Variants in DYRK4 observed in about 807,000 individuals in gnomAD.
The protein encoded by DYRK4 is dual specificity tyrosine-phosphorylation-regulated kinase 4.
DYRK4 carries 64 observed loss-of-function variants against 68.3 expected under a neutral mutation model. The observed-to-expected ratio is 0.94, with a 90% CI of 0.77 to 1.15. The LOEUF is 1.15. DYRK4 is among the 50% of genes most tolerant of loss of function. DYRK4 has a pLI of 0.00. For missense variants in DYRK4, 740 were observed against 764.7 expected, an observed-to-expected ratio of 0.97 and a Z score of 0.38; for synonymous variants, 274 against 289.9, an observed-to-expected ratio of 0.95 and a Z score of 0.56.
chr12:4,565,453 C>T (rs1462570541), intron 1 of DYRK4, among the ~76,000 whole-genome samples: 1 of 152,050 alleles, frequency 6.6e-6, no homozygotes, highest in African/African-American at 2.4e-5. Flanking sequence ...GAGGAAATAG[C>T]ACAGAGAGGA....
rs761007233 is a variant in DYRK4 at position 4,599,192 on chromosome 12, G to T, written c.1044+26G>T. 2.5e-6 allele frequency: 4 copies of T among 1,610,992 alleles called. No homozygotes were observed. The East Asian group carries it at 8.9e-5, about 36-fold the overall frequency. ...GTGAGTACCATCTCCGTCCTGCCAT[G>T]GACACACTCTGGAAATACCCATTCT... On this transcript the variant is annotated intron_variant, in intron 9 of 14. Coordinates refer to ENST00000543431, the MANE Select transcript of DYRK4 (RefSeq NM_001394779.1).
Position 4,612,483 on chromosome 12 carries a change from G to A in DYRK4, c.1491-60G>A, listed in dbSNP as rs1945233435. ...AAAATCTTTATTGGGTTTTAAAAATGTTTTAATATATTAAAAGGAAATAAA... is the reference window on the plus strand; with the variant it reads ...AAAATCTTTATTGGGTTTTAAAAATATTTTAATATATTAAAAGGAAATAAA... On this transcript the variant is annotated intron_variant, in intron 13 of 14. Transcript: ENST00000543431. The A allele has an allele frequency of 2.7e-6, 4 of 1,495,490 alleles. No individual in the cohort carries two copies. The South Asian group carries it at 5.1e-5, about 19-fold the overall frequency. 92.6% of individuals were successfully genotyped at this position (1,495,490 alleles called of 1,614,324 possible).
chr12:4,599,250 A>G (rs1945052615), intron 9 of DYRK4, 84 bp downstream of exon 9: 2 of 1,321,322 alleles, frequency 1.5e-6, no homozygotes, highest in East Asian at 4.8e-5. Flanking sequence ...CACAAACTCC[A>G]ATCAAATAAT....
chr12:4,566,502 C>T (rs1426539872), intron 1 of DYRK4, among the ~76,000 whole-genome samples: 1 of 152,254 alleles, frequency 6.6e-6, no homozygotes, highest in Non-Finnish European at 1.5e-5. Flanking sequence ...AAGGCTTCCT[C>T]AGCTCCTCCA....
intron 10 of DYRK4, 47 bp from the exon 11 acceptor site, chr12:4,604,867 G>T: frequency 6.6e-7 from 1 of 1,521,300 alleles, no homozygotes; most frequent in South Asian, 1.3e-5. Flanking sequence ...GCGTTCTGGA[G>T]GGTAAGAAGT....
chr12:4,565,220 G>A (rs747017947), intron 1 of DYRK4, among the ~76,000 whole-genome samples: 1 of 152,186 alleles, frequency 6.6e-6, no homozygotes, highest in Non-Finnish European at 1.5e-5. Context: ...TTGAGCAAGG[G>A]TTAAGTTGTA....
At chr12:4,603,065 T>G in intron 10 of DYRK4, 1 of 1,183,070 alleles carries the variant, frequency 8.5e-7, no homozygotes, top group Non-Finnish European at 1.2e-6. Flanking sequence ...TTCCTCATCC[T>G]CTTCCTCCTC....
chr12:4,604,678 G>C (rs1945119716), intron 10 of DYRK4, among the ~76,000 whole-genome samples: 1 of 152,198 alleles, frequency 6.6e-6, no homozygotes, highest in South Asian at 2.1e-4. Flanking sequence ...TCCTACGACA[G>C]TGCCCACGTT....
intron 2 of DYRK4, among the ~76,000 whole-genome samples, chr12:4,583,641 T>C (rs147381399): frequency 0.022 from 3,288 of 152,186 alleles, 97 homozygotes; most frequent in African/African-American, 0.073. Context: ...GTGGTCCACC[T>C]GCCTCGGCCT....
intron 10 of DYRK4, chr12:4,603,190 T>C: frequency 8.3e-7 from 1 of 1,207,588 alleles, no homozygotes; most frequent in Non-Finnish European, 1.2e-6. Flanking sequence ...TTCTTCTTGG[T>C]GAGACCTCAT....
chr12:4,591,143 C>T lies in DYRK4; in HGVS notation c.325-17C>T, dbSNP rs550562257. ...GTCCTAAGTAGTTATTTATTGCAAACCTCTTTTCCTGGACAGGAGAATCAA... is the reference window on the plus strand; with the variant it reads ...GTCCTAAGTAGTTATTTATTGCAAATCTCTTTTCCTGGACAGGAGAATCAA... On this transcript the variant is annotated splice_polypyrimidine_tract_variant and intron_variant, in intron 4 of 14. Coordinates refer to ENST00000543431, the MANE Select transcript of DYRK4 (RefSeq NM_001394779.1). The surrounding 1 kb of genome is among the most constrained non-coding windows in gnomAD (Gnocchi z 4.1). 38 of 1,612,958 alleles carry T rather than the reference C, an allele frequency of 2.4e-5. No homozygotes were observed. Among genetic ancestry groups the T allele is most frequent in the Non-Finnish European group, 3.1e-5 (36 of 1,179,488 alleles).
intron 1 of DYRK4, among the ~76,000 whole-genome samples, chr12:4,566,720 A>C (rs1033787800): frequency 7.9e-5 from 12 of 152,268 alleles, no homozygotes; most frequent in African/African-American, 2.7e-4. Context: ...GAAGAGAAGG[A>C]AGAAGTGAAA....
intron 2 of DYRK4, chr12:4,581,084 T>G: frequency 3.3e-6 from 1 of 302,162 alleles, no homozygotes; most frequent in Non-Finnish European, 6.6e-6. Flanking sequence ...CCTTTGGGTC[T>G]TGGTGTGAGA....
chr12:4,584,210 G>T (rs1944871330), intron 2 of DYRK4, among the ~76,000 whole-genome samples: 1 of 152,192 alleles, frequency 6.6e-6, no homozygotes, highest in Admixed American at 6.5e-5. Context: ...TTAAAATACA[G>T]GTTTCTGGGC....
intron 1 of DYRK4, chr12:4,564,329 T>TA (rs571141535): frequency 6.6e-6 from 1 of 151,822 alleles, no homozygotes; most frequent in East Asian, 1.9e-4. Context: ...ATATATCAAT[T>TA]AAAAAATGAA....
At chr12:4,599,612 T>C in intron 9 of DYRK4, 95 bp from the exon 10 acceptor site, 1 of 880,576 alleles carries the variant, frequency 1.1e-6, no homozygotes, top group Middle Eastern at 2.3e-4. Context: ...GTGGTCATAT[T>C]TGAACTGGGC....
chr12:4,611,807 T>C (rs781654553), intron 13 of DYRK4, among the ~76,000 whole-genome samples: 8 of 152,158 alleles, frequency 5.3e-5, no homozygotes, highest in Non-Finnish European at 1.2e-4. Flanking sequence ...ATATGATCAT[T>C]AGTTAGTAGC....
chr12:4,610,040 G>A (rs1210691350), intron 12 of DYRK4, 115 bp from the exon 13 acceptor site: 1 of 781,418 alleles, frequency 1.3e-6, no homozygotes, highest in African/African-American at 1.8e-5. Context: ...GTGGCATGAG[G>A]CGAGTGTGTA....
chr12:4,578,527 C>A (rs1944810459), intron 2 of DYRK4, among the ~76,000 whole-genome samples: 2 of 152,086 alleles, frequency 1.3e-5, no homozygotes, highest in Non-Finnish European at 2.9e-5. Flanking sequence ...TCTTTAATTT[C>A]TTTAAGCAAG....
Sources: gnomAD v4.1 joint callset for allele counts (sites outside exome capture counted in the v4.1 genomes callset) on GRCh38, gnomAD v4.1.1 for gene constraint, Gnocchi (gnomAD v3.1) non-coding constraint, MANE v1.5 for transcripts, NCBI Gene and HGNC (gene_info 2026-07-23, HGNC 2026-07-21) for gene names.